Variants in GSK3B observed in about 807,000 individuals in gnomAD.
The protein encoded by GSK3B is glycogen synthase kinase-3 beta.
GSK3B carries 15 observed loss-of-function variants against 56.4 expected under a neutral mutation model. The observed-to-expected ratio is 0.27, with a 90% confidence interval of 0.18 to 0.41. The LOEUF is 0.41. Among genes scored for constraint, GSK3B ranks in the 10% least tolerant of loss-of-function variants. The pLI is 1.00. For synonymous variants in GSK3B, 181 were observed against 188.9 expected (o/e 0.96, Z 0.34); for missense variants, 300 against 513.4 (o/e 0.58, Z 4.02).
chr3:119,848,077 T>C (rs997581634), intron 9 of GSK3B, among the ~76,000 whole-genome samples: 55 of 152,244 alleles, frequency 3.6e-4, no homozygotes, highest in Admixed American at 3.0e-3. Flanking sequence ...AAGTTTGAAA[T>C]AGGCTTTTTA....
At chr3:119,950,547 T>A (rs917775317) in intron 2 of GSK3B, among the ~76,000 whole-genome samples, 1 of 152,074 alleles carries the variant, frequency 6.6e-6, no homozygotes, top group Non-Finnish European at 1.5e-5. Flanking sequence ...ATGGTTTCAG[T>A]AGAACAATGG....
At chr3:120,024,290 T>C (rs547125660) in intron 1 of GSK3B, among the ~76,000 whole-genome samples, 2 of 152,132 alleles carry the variant, frequency 1.3e-5, no homozygotes, top group Non-Finnish European at 2.9e-5. Context: ...GAGCCATGTA[T>C]GCTCTCCACT....
intron 2 of GSK3B, among the ~76,000 whole-genome samples, chr3:119,980,545 G>T (rs2057450151): frequency 6.6e-6 from 1 of 151,974 alleles, no homozygotes; most frequent in Non-Finnish European, 1.5e-5. Flanking sequence ...GTAGAGATGG[G>T]GTTTCTCCAA....
intron 4 of GSK3B, among the ~76,000 whole-genome samples, chr3:119,920,435 C>T (rs1296484924): frequency 1.3e-5 from 2 of 151,976 alleles, no homozygotes; most frequent in African/African-American, 4.8e-5. Context: ...GAGGTGGGGT[C>T]TCGCCATGTT....
At chr3:119,964,213 A>G (rs1051829297) in intron 2 of GSK3B, among the ~76,000 whole-genome samples, 5 of 152,248 alleles carry the variant, frequency 3.3e-5, no homozygotes, top group African/African-American at 9.6e-5. Flanking sequence ...CAAAGAAGAC[A>G]TACATACGAC....
At chr3:119,894,927 G>A (rs1359171452) in intron 7 of GSK3B, among the ~76,000 whole-genome samples, 3 of 151,938 alleles carry the variant, frequency 2.0e-5, no homozygotes, top group African/African-American at 7.3e-5. Flanking sequence ...ATTAATTGAC[G>A]AATTATAAGT....
At chr3:120,048,288 A>G (rs1047441464) in intron 1 of GSK3B, among the ~76,000 whole-genome samples, 2 of 152,244 alleles carry the variant, frequency 1.3e-5, no homozygotes, top group African/African-American at 2.4e-5. Context: ...ACCTTTAACC[A>G]TTTAGTATTT....
chr3:119,976,348 T>G (rs2057408386), intron 2 of GSK3B, among the ~76,000 whole-genome samples: 1 of 152,150 alleles, frequency 6.6e-6, no homozygotes, highest in Non-Finnish European at 1.5e-5. Context: ...GATGAACAGA[T>G]AAACCATATG....
At chr3:119,838,774 G>A (rs1439236997) in intron 10 of GSK3B, among the ~76,000 whole-genome samples, 1 of 152,020 alleles carries the variant, frequency 6.6e-6, no homozygotes, top group African/African-American at 2.4e-5. Flanking sequence ...TATATATTAT[G>A]TGATTCCCCT....
intron 6 of GSK3B, among the ~76,000 whole-genome samples, chr3:119,907,078 T>C (rs1249219703): frequency 1.3e-5 from 2 of 152,246 alleles, no homozygotes; most frequent in African/African-American, 4.8e-5. Flanking sequence ...TAGGGAATCT[T>C]TACTCAAAGC....
At chr3:119,830,459 G>A (rs1006717992) in intron 10 of GSK3B, among the ~76,000 whole-genome samples, 1 of 147,430 alleles carries the variant, frequency 6.8e-6, no homozygotes, top group Non-Finnish European at 1.5e-5. Context: ...TGTAATTTCT[G>A]TAACTTTTCT....
chr3:119,893,297 C>G lies in GSK3B; in HGVS notation c.813+12458G>C, dbSNP rs74905112. Among the ~76,000 whole-genome samples the G allele has an allele frequency of 6.4e-3, 971 of 152,220 alleles. 12 individuals carry two copies. The highest frequency in any genetic ancestry group is 0.02 in the African/African-American group (831 of 41,542). On this transcript the variant is annotated intron_variant, in intron 7 of 10. Transcript: ENST00000264235. ...TTACTGCATGAACCACCGCACCCAG[C>G]AGGTTTTACTTTTTAAATCTACTAG...
intron 1 of GSK3B, among the ~76,000 whole-genome samples, chr3:120,026,209 G>T (rs1431073499): frequency 2.0e-5 from 3 of 152,158 alleles, no homozygotes; most frequent in East Asian, 1.9e-4. Context: ...TCTCAAACAC[G>T]ATTTTCTAAA....
chr3:119,858,972 A>G (rs116921813), intron 9 of GSK3B, among the ~76,000 whole-genome samples: 1 of 152,288 alleles, frequency 6.6e-6, no homozygotes, highest in East Asian at 1.9e-4. Flanking sequence ...AACAATCACA[A>G]TAGTAACATC....
chr3:120,085,614 A>G (rs981923968), intron 1 of GSK3B, among the ~76,000 whole-genome samples: 3 of 152,210 alleles, frequency 2.0e-5, no homozygotes, highest in African/African-American at 4.8e-5. Context: ...AGTCTGGCCA[A>G]CATGGTGAAA....
chr3:120,070,179 C>T (rs2058314780), intron 1 of GSK3B, among the ~76,000 whole-genome samples: 1 of 151,312 alleles, frequency 6.6e-6, no homozygotes, highest in African/African-American at 2.4e-5. Context: ...CACCACTGCA[C>T]TCCAGCCTGG....
intron 2 of GSK3B, among the ~76,000 whole-genome samples, chr3:119,964,103 A>G (rs1318298797): frequency 6.6e-6 from 1 of 152,334 alleles, no homozygotes; most frequent in South Asian, 2.1e-4. Context: ...TTGCAAACCA[A>G]ATGTCTGACA....
chr3:120,035,467 A>C (rs1318525778), intron 1 of GSK3B, among the ~76,000 whole-genome samples: 1 of 152,232 alleles, frequency 6.6e-6, no homozygotes, highest in East Asian at 1.9e-4. Context: ...TATGAATTTT[A>C]GGATCAGTTT....
At chr3:119,880,179 A>G (rs181642484) in intron 7 of GSK3B, among the ~76,000 whole-genome samples, 1 of 152,214 alleles carries the variant, frequency 6.6e-6, no homozygotes, top group East Asian at 1.9e-4. Flanking sequence ...GGGTGAGATG[A>G]TATCTCATTG....
Sources: gnomAD v4.1 joint callset for allele counts (sites outside exome capture counted in the v4.1 genomes callset) on GRCh38, gnomAD v4.1.1 for gene constraint, MANE v1.5 for transcripts, NCBI Gene and HGNC (gene_info 2026-07-23, HGNC 2026-07-21) for gene names.